Variants in CAMSAP2 observed in about 807,000 individuals in gnomAD.
CAMSAP2 encodes calmodulin-regulated spectrin-associated protein 2.
A neutral mutation model predicts 146.1 loss-of-function variants in CAMSAP2; 26 were observed. The ratio of observed to expected loss-of-function variants is 0.18; its 90% CI spans 0.13 to 0.25. The LOEUF is 0.25. Ranked by LOEUF, CAMSAP2 falls within the 10% of genes least tolerant of loss-of-function variation. The pLI, the probability that CAMSAP2 is intolerant of heterozygous loss-of-function variation, is 1.00. For missense variants in CAMSAP2, 1,381 were observed against 1,759.3 expected (o/e 0.78, Z 3.85); for synonymous variants, 499 against 596.6 (o/e 0.84, Z 2.38).
chr1:200,830,236 AT>A (rs1293151432), intron 4 of CAMSAP2, among the ~76,000 whole-genome samples: 3 of 152,226 alleles, frequency 2.0e-5, no homozygotes, highest in Non-Finnish European at 4.4e-5. Context: ...ATGTTTTGGC[AT>A]CCCATTCATA....
rs200584162 is a variant in CAMSAP2 at position 200,847,205 on chromosome 1, T to C, written c.1110-5T>C. The C allele has an allele frequency of 2.4e-5, 39 of 1,595,620 alleles. No homozygotes were observed. In the East Asian group the frequency reaches 3.4e-4, roughly 14 times the overall value. On this transcript the variant is annotated splice_polypyrimidine_tract_variant and splice_region_variant and intron_variant, in intron 8 of 16. Transcript: ENST00000358823. Reference sequence around the variant, plus strand: ...ATAACATTTTAAATTTATTTTCCATTGCAGTGGGGAAGGAGCTACATTTAC... The same window carrying C: ...ATAACATTTTAAATTTATTTTCCATCGCAGTGGGGAAGGAGCTACATTTAC...
chr1:200,828,710 T>C, intron 4 of CAMSAP2: 12 of 1,065,994 alleles, frequency 1.1e-5, no homozygotes, highest in Non-Finnish European at 1.7e-5. Flanking sequence ...CTGTTAGTCA[T>C]TGAATAGAGA....
intron 2 of CAMSAP2, among the ~76,000 whole-genome samples, chr1:200,794,650 C>T (rs549202444): frequency 6.6e-6 from 1 of 152,346 alleles, no homozygotes; most frequent in South Asian, 2.1e-4. Flanking sequence ...ATTCCCAGCA[C>T]AATGCAGTTC....
chr1:200,809,540 G>C (rs1007669942), intron 3 of CAMSAP2, among the ~76,000 whole-genome samples: 1 of 152,130 alleles, frequency 6.6e-6, no homozygotes, highest in African/African-American at 2.4e-5. Context: ...AGACCAGCCT[G>C]GCCAACATGG....
At chr1:200,778,993 G>T (rs181085371) in intron 2 of CAMSAP2, among the ~76,000 whole-genome samples, 1 of 152,098 alleles carries the variant, frequency 6.6e-6, no homozygotes, top group African/African-American at 2.4e-5. Flanking sequence ...AACAAATCGT[G>T]GAAGGAATTT....
chr1:200,800,715 G>C, intron 2 of CAMSAP2, among the ~76,000 whole-genome samples: 1 of 152,154 alleles, frequency 6.6e-6, no homozygotes, highest in East Asian at 1.9e-4. Context: ...TATGATGCTA[G>C]CTGGTTATTT....
intron 2 of CAMSAP2, among the ~76,000 whole-genome samples, chr1:200,776,986 GGA>G (rs1197533299): frequency 1.3e-5 from 2 of 152,076 alleles, no homozygotes; most frequent in African/African-American, 4.8e-5. Context: ...AATCTTCAAA[GGA>G]GAGAGAAGGA....
chr1:200,773,887 A>AAAAAT (rs201163114), intron 2 of CAMSAP2, among the ~76,000 whole-genome samples: 10,717 of 134,218 alleles, frequency 0.08, 612 homozygotes, highest in Non-Finnish European at 0.1. Context: ...CTCTGTCTCA[A>AAAAAT]AAAATAAAAT....
intron 6 of CAMSAP2, among the ~76,000 whole-genome samples, chr1:200,839,226 A>T (rs1667256412): frequency 6.6e-6 from 1 of 152,202 alleles, no homozygotes; most frequent in African/African-American, 2.4e-5. Context: ...TTAGCAACAT[A>T]TGTACATCAT....
In CAMSAP2 at chr1:200,849,511, A is replaced by G. The variant is rs760256689; in HGVS notation, c.2742A>G (p.Gln914=). ...QQEMLMQMRE[Q]QSWVISPPQP... is the part of the protein sequence containing the mutation. ...AGATGTTAATGCAGATGAGAGAGCAACAATCTTGGGTGATTTCACCTCCAC... is the reference window on the plus strand; with the variant it reads ...AGATGTTAATGCAGATGAGAGAGCAGCAATCTTGGGTGATTTCACCTCCAC... Residue 914 remains glutamine (Q), a synonymous_variant, in exon 11 of 17, where the codon CAA becomes CAG. Transcript: ENST00000358823. The surrounding 1 kb of genome is among the most constrained non-coding windows in gnomAD (Gnocchi z 6.3). 6.2e-7 allele frequency: 1 copy of G among 1,614,228 alleles called. No homozygotes were observed. The highest frequency in any genetic ancestry group is 2.2e-5 in the East Asian group (1 of 44,886).
chr1:200,811,707 T>C (rs184215645), intron 3 of CAMSAP2, among the ~76,000 whole-genome samples: 262 of 152,322 alleles, frequency 1.7e-3, no homozygotes, highest in Admixed American at 3.6e-3. Flanking sequence ...TACAAGTATC[T>C]TTTTATAGTG....
At chr1:200,764,128 A>T (rs1258984582) in intron 2 of CAMSAP2, among the ~76,000 whole-genome samples, 1 of 152,192 alleles carries the variant, frequency 6.6e-6, no homozygotes, top group African/African-American at 2.4e-5. Context: ...AATGTAAATT[A>T]ACAGTTTTTT....
chr1:200,858,111 T>A lies in CAMSAP2; in HGVS notation c.*52T>A, dbSNP rs1213153989. ...ATTCATGGTAAATTTGCACTTCATC[T>A]TTCCTGCCTATAGAAAATCTTTCTA... On this transcript the variant is annotated 3_prime_UTR_variant, in exon 17 of 17. Transcript: ENST00000358823. 1 of 1,430,374 alleles carries A rather than the reference T, an allele frequency of 7.0e-7. No homozygotes were observed. Among genetic ancestry groups the A allele is most frequent in the African/African-American group, 1.4e-5 (1 of 69,574 alleles). The allele number at this position is 1,430,374 out of a possible 1,614,324, so 88.6% of individuals were successfully genotyped here. A position where few individuals can be genotyped will look rare whatever the true frequency, so the allele number is the denominator to read the frequency against.
chr1:200,779,078 G>A (rs1176403824), intron 2 of CAMSAP2, among the ~76,000 whole-genome samples: 3 of 152,106 alleles, frequency 2.0e-5, no homozygotes, highest in Non-Finnish European at 4.4e-5. Flanking sequence ...AGAAACCATG[G>A]AGTTAACGCT....
intron 6 of CAMSAP2, among the ~76,000 whole-genome samples, chr1:200,840,873 A>G (rs1374242757): frequency 1.3e-5 from 2 of 152,222 alleles, no homozygotes; most frequent in East Asian, 1.9e-4. Flanking sequence ...ATTATTTTAA[A>G]TAGTTATGAA....
intron 11 of CAMSAP2, among the ~76,000 whole-genome samples, chr1:200,850,448 T>C (rs1465005322): frequency 6.6e-6 from 1 of 152,208 alleles, no homozygotes; most frequent in Non-Finnish European, 1.5e-5. Context: ...TGTTTAGATG[T>C]ATTCCTTGGT....
At chr1:200,799,667 T>C (rs1011118493) in intron 2 of CAMSAP2, among the ~76,000 whole-genome samples, 1 of 152,206 alleles carries the variant, frequency 6.6e-6, no homozygotes, top group Non-Finnish European at 1.5e-5. Context: ...CATGTCTCTT[T>C]CTCCTTCAGT....
chr1:200,807,743 T>TC (rs1196464812), intron 3 of CAMSAP2, among the ~76,000 whole-genome samples: 1 of 149,760 alleles, frequency 6.7e-6, no homozygotes, highest in East Asian at 1.9e-4. Flanking sequence ...ATTACTCTTT[T>TC]TTTTTTTTTT....
intron 8 of CAMSAP2, 60 bp downstream of exon 8, chr1:200,844,929 TA>T: frequency 2.4e-6 from 2 of 829,088 alleles, no homozygotes; most frequent in Non-Finnish European, 3.7e-6. Flanking sequence ...TTAAATTACA[TA>T]ATATTATATT....
Sources: gnomAD v4.1 joint callset for allele counts (sites outside exome capture counted in the v4.1 genomes callset) on GRCh38, gnomAD v4.1.1 for gene constraint, Gnocchi (gnomAD v3.1) non-coding constraint, MANE v1.5 for transcripts, NCBI Gene and HGNC (gene_info 2026-07-23, HGNC 2026-07-21) for gene names.